ABR: variants seen among roughly 807,000 people sequenced by gnomAD.
The protein encoded by ABR is active breakpoint cluster region-related protein.
A neutral mutation model predicts 107.2 loss-of-function variants in ABR; 35 were observed. The observed-to-expected ratio is 0.33, with a 90% CI of 0.25 to 0.43. The LOEUF is 0.43. ABR is among the 20% of genes least tolerant of loss of function. The probability of loss-of-function intolerance (pLI) is 1.00; values close to 1 mark genes in which losing one functional copy is unlikely to be tolerated. For synonymous variants in ABR, 498 were observed against 462.0 expected, an observed-to-expected ratio of 1.08 and a Z score of -1.00; for missense variants, 815 against 1,115.2, an observed-to-expected ratio of 0.73 and a Z score of 3.83.
At chr17:1,090,878 T>C (rs1406930356) in intron 4 of ABR, among the ~76,000 whole-genome samples, 1 of 152,068 alleles carries the variant, frequency 6.6e-6, no homozygotes, top group Non-Finnish European at 1.5e-5. Context: ...AGACGTTACG[T>C]AGCAGAGGTG....
rs1449102124 is a variant in ABR, at chr17:1,071,660, G to A, written c.894+954C>T. Among the ~76,000 whole-genome samples, 9 of 152,240 alleles carry A rather than the reference G, an allele frequency of 5.9e-5. No individual in the cohort carries two copies. The highest frequency in any genetic ancestry group is 1.2e-4 in the Non-Finnish European group (8 of 68,040). On this transcript the variant is annotated intron_variant, in intron 8 of 22. Coordinates refer to ENST00000302538, the MANE Select transcript of ABR (RefSeq NM_021962.5). This position sits in a 1 kb window ranked among gnomAD's most constrained non-coding sequence, Gnocchi z 5.1. ...CTGTGGGCTCCCCGCAAGCCACTGC[G>A]TGTGCAGGCCGAGCTGAAGCAGCTC...
rs371321065 is a variant in ABR at position 1,141,908 on chromosome 17, G to A, written c.62-16541C>T. On this transcript the variant is annotated intron_variant, in intron 1 of 22. Coordinates refer to ENST00000302538, the MANE Select transcript of ABR (RefSeq NM_021962.5). ...TGAGTAGCTGGGATTACAGGTGCCCGCCACCACGCCCGGATAATTTTGTAT... is the reference window on the plus strand; with the variant it reads ...TGAGTAGCTGGGATTACAGGTGCCCACCACCACGCCCGGATAATTTTGTAT... Among the ~76,000 whole-genome samples, 8 of 152,052 alleles carry A rather than the reference G, an allele frequency of 5.3e-5. No individual in the cohort carries two copies. In the East Asian group the frequency reaches 7.8e-4, roughly 15 times the overall value.
At chr17:1,021,620 G>A (rs985237057) in intron 16 of ABR, among the ~76,000 whole-genome samples, 83 of 149,080 alleles carry the variant, frequency 5.6e-4, no homozygotes, top group African/African-American at 1.3e-3. Flanking sequence ...CCTGACCAAC[G>A]TGGCGAAACC....
chr17:1,140,971 CAAA>C (rs1003927159), intron 1 of ABR, among the ~76,000 whole-genome samples: 27 of 151,900 alleles, frequency 1.8e-4, no homozygotes, highest in Admixed American at 1.1e-3. Context: ...GAGACTGTCT[CAAA>C]GAAACAAGAT....
intron 16 of ABR, among the ~76,000 whole-genome samples, chr17:1,036,667 G>A (rs1403967972): frequency 6.6e-6 from 1 of 152,104 alleles, no homozygotes; most frequent in Non-Finnish European, 1.5e-5. Flanking sequence ...TGCGAGTTGG[G>A]CGGGAGGATG....
At chr17:1,121,492 G>A (rs1417765115) in intron 2 of ABR, among the ~76,000 whole-genome samples, 1 of 152,210 alleles carries the variant, frequency 6.6e-6, no homozygotes, top group Non-Finnish European at 1.5e-5. Flanking sequence ...CCCTCATGCT[G>A]AAATTCCGCA....
chr17:1,009,597 A>T, intron 21 of ABR, 82 bp downstream of exon 21: 2 of 1,130,512 alleles, frequency 1.8e-6, no homozygotes, highest in Non-Finnish European at 2.7e-6. Context: ...GGAGGGACTG[A>T]GGAGGTGGGG....
In ABR at chr17:1,012,191, C is replaced by T. The variant is rs202208093; in HGVS notation, c.1962-206G>A. On this transcript the variant is annotated intron_variant, in intron 18 of 22. Transcript: ENST00000302538. ...GGCCTGCCGAAGGGGCATCGACGGA[C>T]GTGGGCAGGAGAAGCCTTGGGAACT... 1.7e-4 allele frequency: 134 copies of T among 785,874 alleles called. No individual in the cohort carries two copies. In the East Asian group the frequency reaches 2.2e-3, roughly 13 times the overall value. The allele number at this position is 785,874 out of a possible 1,614,324, so 48.7% of individuals were successfully genotyped here. A position where few individuals can be genotyped will look rare whatever the true frequency, so the allele number is the denominator to read the frequency against.
chr17:1,096,629 C>G (rs2037445029), intron 3 of ABR, among the ~76,000 whole-genome samples: 1 of 152,168 alleles, frequency 6.6e-6, no homozygotes, highest in Non-Finnish European at 1.5e-5. Flanking sequence ...TCCCTCTGGT[C>G]TCTGCTCAAG....
At chr17:1,094,388 T>G (rs994028286) in intron 3 of ABR, among the ~76,000 whole-genome samples, 3 of 151,138 alleles carry the variant, frequency 2.0e-5, no homozygotes, top group Non-Finnish European at 4.4e-5. Context: ...TTTTTTTTTT[T>G]GAGACAGAGT....
rs763767441 is a variant in ABR at position 1,012,673 on chromosome 17, C to T, written c.1961+15G>A. 2.1e-5 allele frequency: 32 copies of T among 1,558,348 alleles called. No individual in the cohort carries two copies. In the East Asian group the frequency reaches 3.3e-4, roughly 16 times the overall value. ...GCACCGACGCCAGGACTGGGAGACC[C>T]GAGGCAGCACCTACTTCGTCACCAC... is the stretch of plus-strand genomic sequence containing the variant. On this transcript the variant is annotated intron_variant, in intron 18 of 22. Transcript: ENST00000302538.
chr17:1,075,079 C>G (rs2151200805), intron 6 of ABR, among the ~76,000 whole-genome samples: 1 of 152,366 alleles, frequency 6.6e-6, no homozygotes, highest in South Asian at 2.1e-4. Context: ...AAGGCCAGCC[C>G]AGGCCCCCAA....
chr17:1,220,707 G>C (rs907539095), intron 1 of ABR, among the ~76,000 whole-genome samples: 5 of 152,182 alleles, frequency 3.3e-5, no homozygotes, highest in African/African-American at 1.2e-4. Context: ...CTCAAAACCA[G>C]AACAAGCTAA....
Position 1,154,784 on chromosome 17 carries a change from G to A in ABR, c.61+24883C>T, listed in dbSNP as rs1283300515. ...TCGCCCTCCCAAGGCCGGTGTCCTGGTGACGATGCCACTAGTGCCAAGAAT... is the reference window on the plus strand; with the variant it reads ...TCGCCCTCCCAAGGCCGGTGTCCTGATGACGATGCCACTAGTGCCAAGAAT... On this transcript the variant is annotated intron_variant, in intron 1 of 22. Coordinates refer to ENST00000302538, the MANE Select transcript of ABR (RefSeq NM_021962.5). This position sits in a 1 kb window ranked among gnomAD's most constrained non-coding sequence, Gnocchi z 4.0. 1 of 152,312 alleles carries A rather than the reference G, an allele frequency of 6.6e-6. No individual in the cohort carries two copies. Among genetic ancestry groups the A allele is most frequent in the East Asian group, 1.9e-4 (1 of 5,186 alleles). 9.4% of individuals were successfully genotyped at this position (152,312 alleles called of 1,614,324 possible).
intron 10 of ABR, among the ~76,000 whole-genome samples, chr17:1,064,830 C>G (rs1448883603): frequency 1.6e-4 from 21 of 131,544 alleles, no homozygotes; most frequent in East Asian, 1.6e-3. Flanking sequence ...GCATGTTCCT[C>G]TAGACACTGT....
chr17:1,050,695 C>T lies in ABR; in HGVS notation c.1562-61G>A, dbSNP rs528524668. 100 of 1,402,742 alleles carry T rather than the reference C, an allele frequency of 7.1e-5. 1 individual carries two copies. Among genetic ancestry groups the T allele is most frequent in the Middle Eastern group, 5.4e-4 (3 of 5,530 alleles). 86.9% of individuals were successfully genotyped at this position (1,402,742 alleles called of 1,614,324 possible). A position where few individuals can be genotyped will look rare whatever the true frequency, so the allele number is the denominator to read the frequency against. ...TGGGGCCAGGGTGGGGCAGCTGGGGCGGCACTCAGGATGGAGGGGGACATC... is the reference window on the plus strand; with the variant it reads ...TGGGGCCAGGGTGGGGCAGCTGGGGTGGCACTCAGGATGGAGGGGGACATC... On this transcript the variant is annotated intron_variant, in intron 14 of 22. Coordinates refer to ENST00000302538, the MANE Select transcript of ABR (RefSeq NM_021962.5). The surrounding 1 kb of genome is among the most constrained non-coding windows in gnomAD (Gnocchi z 4.6).
intron 1 of ABR, among the ~76,000 whole-genome samples, chr17:1,147,759 A>G (rs1272479949): frequency 6.6e-6 from 1 of 152,088 alleles, no homozygotes; most frequent in Non-Finnish European, 1.5e-5. Context: ...AGCCTCACGG[A>G]AGCTCCACAC....
intron 10 of ABR, among the ~76,000 whole-genome samples, chr17:1,060,914 C>T (rs187696588): frequency 1.3e-5 from 2 of 152,256 alleles, no homozygotes; most frequent in African/African-American, 4.8e-5. Flanking sequence ...ATTGCTTGAA[C>T]CCGGGAGGTG....
chr17:1,177,550 G>C (rs2041958626), intron 1 of ABR, among the ~76,000 whole-genome samples: 1 of 152,186 alleles, frequency 6.6e-6, no homozygotes, highest in East Asian at 1.9e-4. Context: ...GTGGCCTCAG[G>C]CAATTTTGCT....
Sources: gnomAD v4.1 joint callset for allele counts (sites outside exome capture counted in the v4.1 genomes callset) on GRCh38, gnomAD v4.1.1 for gene constraint, Gnocchi (gnomAD v3.1) non-coding constraint, MANE v1.5 for transcripts, NCBI Gene and HGNC (gene_info 2026-07-23, HGNC 2026-07-21) for gene names.